WDR17: variants seen among roughly 807,000 people sequenced by gnomAD.
The protein encoded by WDR17 is WD repeat-containing protein 17.
Under a neutral mutation model 161.7 loss-of-function variants are expected in WDR17, and 143 were observed. That is an observed-to-expected ratio of 0.88 (90% CI 0.77 to 1.02). The LOEUF is 1.02. Among genes scored for constraint, WDR17 ranks in the 50% least tolerant of loss-of-function variants. The probability of loss-of-function intolerance (pLI) is 0.00; values close to 1 mark genes in which losing one functional copy is unlikely to be tolerated. For missense variants in WDR17, 1,469 were observed against 1,520.9 expected, an observed-to-expected ratio of 0.97 and a Z score of 0.57; for synonymous variants, 517 against 515.6, an observed-to-expected ratio of 1.00 and a Z score of -0.04.
intron 25 of WDR17, among the ~76,000 whole-genome samples, chr4:176,173,916 A>G (rs996262941): frequency 1.3e-5 from 2 of 150,930 alleles, no homozygotes; most frequent in Admixed American, 1.3e-4. Flanking sequence ...GTATGTTTAT[A>G]TATGTACACA....
At chr4:176,167,666 A>AAAAAAAAAAAAAAAACC (rs1561210753) in intron 22 of WDR17, among the ~76,000 whole-genome samples, 1 of 139,866 alleles carries the variant, frequency 7.1e-6, no homozygotes, top group African/African-American at 2.6e-5. Flanking sequence ...AAAAAAAAAA[A>AAAAAAAAAAAAAAAACC]AAAAAACAAT....
intron 12 of WDR17, 55 bp downstream of exon 12, chr4:176,146,214 T>A (rs892495153): frequency 1.3e-6 from 2 of 1,551,642 alleles, no homozygotes; most frequent in African/African-American, 2.7e-5. Context: ...GCTTATATTT[T>A]CCTAGAAATG....
At chr4:176,115,452 A>T (rs960589765) in intron 2 of WDR17, among the ~76,000 whole-genome samples, 24 of 152,148 alleles carry the variant, frequency 1.6e-4, no homozygotes, top group African/African-American at 5.8e-4. Flanking sequence ...GCAGAAAAAA[A>T]TATTCCAAAA....
At chr4:176,152,272 GC>G (rs1747259901) in intron 17 of WDR17, among the ~76,000 whole-genome samples, 1 of 123,854 alleles carries the variant, frequency 8.1e-6, no homozygotes. Context: ...TCCAGCCTGG[GC>G]TACAGAAAGA....
chr4:176,148,164 G>A lies in WDR17; in HGVS notation c.1726G>A (p.Ala576Thr), dbSNP rs779776615. Reference protein sequence around the residue: ...TVRIWDYTQDACINILNGHTA... With the variant: ...TVRIWDYTQDTCINILNGHTA... The stretch of plus-strand genomic sequence containing the variant: ...TCGAATCTGGGATTATACTCAGGAT[G>A]CTTGCATCAATATTCTTAATGGACA... The change falls in exon 13 of 29, where the codon GCT becomes ACT. Residue 576 changes from alanine (A) to threonine (T), a missense_variant. Transcript: ENST00000508596. 1 of 1,613,920 alleles carries A rather than the reference G, an allele frequency of 6.2e-7. No individual in the cohort carries two copies. The highest frequency in any genetic ancestry group is 2.2e-5 in the East Asian group (1 of 44,830).
intron 1 of WDR17, among the ~76,000 whole-genome samples, chr4:176,085,785 C>T (rs2126609021): frequency 6.6e-6 from 1 of 151,850 alleles, no homozygotes; most frequent in Non-Finnish European, 1.5e-5. Flanking sequence ...TAAACTATTT[C>T]GTTGCTTTCA....
At chr4:176,084,613 G>A (rs1276309528) in intron 1 of WDR17, among the ~76,000 whole-genome samples, 1 of 151,690 alleles carries the variant, frequency 6.6e-6, no homozygotes, top group Non-Finnish European at 1.5e-5. Flanking sequence ...GGCATTTTTT[G>A]TGTCCTATTT....
chr4:176,143,769 C>T (rs991560601), intron 11 of WDR17, among the ~76,000 whole-genome samples: 1 of 151,924 alleles, frequency 6.6e-6, no homozygotes, highest in African/African-American at 2.4e-5. Context: ...TTTTAGAGTC[C>T]TGCAGAAACC....
In WDR17 at chr4:176,148,277, G is replaced by C. The variant is rs777440069; in HGVS notation, c.1839G>C (p.Trp613Cys). Residue 613 changes from tryptophan to cysteine, a missense_variant, in exon 13 of 29, where the codon TGG becomes TGC. By Grantham distance (215) the Trp-to-Cys change is radical. Transcript: ENST00000508596. ...GCTGGGACTATACTATAAAAGTATG[G>C]GACACTCGAGAAGGAACTTGTGTGG... is the stretch of plus-strand genomic sequence containing the variant. ...SGSWDYTIKVWDTREGTCVDT... is the reference protein window; with the variant it reads ...SGSWDYTIKVCDTREGTCVDT... 9.9e-6 allele frequency: 16 copies of C among 1,613,924 alleles called. No homozygotes were observed. The highest frequency in any genetic ancestry group is 1.4e-5 in the Non-Finnish European group (16 of 1,179,928).
intron 1 of WDR17, among the ~76,000 whole-genome samples, chr4:176,103,957 A>G (rs1738254250): frequency 2.6e-5 from 4 of 152,178 alleles, no homozygotes; most frequent in Admixed American, 2.0e-4. Context: ...ATAGACACAC[A>G]TGGAGACACA....
chr4:176,076,642 A>C (rs779545547), intron 1 of WDR17, among the ~76,000 whole-genome samples: 1 of 150,838 alleles, frequency 6.6e-6, no homozygotes, highest in Non-Finnish European at 1.5e-5. Context: ...TTGCAATTTC[A>C]GTTTGGCTCT....
At chr4:176,130,472 CG>C (rs2126753150) in intron 6 of WDR17, among the ~76,000 whole-genome samples, 1 of 152,150 alleles carries the variant, frequency 6.6e-6, no homozygotes, top group South Asian at 2.1e-4. Flanking sequence ...TGGCCGGGCG[CG>C]GTGGCTCATG....
chr4:176,070,680 ATT>A (rs762685959), intron 1 of WDR17, among the ~76,000 whole-genome samples: 7 of 143,760 alleles, frequency 4.9e-5, no homozygotes, highest in Admixed American at 6.9e-5. Flanking sequence ...CTCTTGGCTA[ATT>A]TTTTTTTTTT....
Position 176,180,929 on chromosome 4 carries a change from C to G in WDR17, c.*1350C>G, listed in dbSNP as rs1386118309. The G allele has an allele frequency of 6.6e-6, 1 of 152,086 alleles. No individual in the cohort carries two copies. Among genetic ancestry groups the G allele is most frequent in the Non-Finnish European group, 1.5e-5 (1 of 68,024 alleles). The allele number at this position is 152,086 out of a possible 1,614,324, so 9.4% of individuals were successfully genotyped here. ...TTGAAACTTATTAAATTAATGCATA[C>G]TGGAAGTACTTTGATACTCAAGTTG... On this transcript the variant is annotated 3_prime_UTR_variant, in exon 29 of 29. Transcript: ENST00000508596.
chr4:176,137,713 A>G, intron 9 of WDR17, 102 bp downstream of exon 9: 1 of 622,688 alleles, frequency 1.6e-6, no homozygotes, highest in Non-Finnish European at 2.4e-6. Context: ...CTTAATAATC[A>G]GGTGGTATGT....
intron 1 of WDR17, among the ~76,000 whole-genome samples, chr4:176,085,750 G>C (rs985658464): frequency 2.0e-5 from 3 of 151,944 alleles, no homozygotes; most frequent in Non-Finnish European, 4.4e-5. Context: ...GTTTGGTTTA[G>C]TTGATTTCCT....
chr4:176,161,598 A>T (rs1338194507), intron 20 of WDR17, among the ~76,000 whole-genome samples: 1 of 152,176 alleles, frequency 6.6e-6, no homozygotes, highest in Non-Finnish European at 1.5e-5. Context: ...GACACTCATC[A>T]AGTAGAAGAG....
rs140540125 is a variant in WDR17 at position 176,162,372 on chromosome 4, C to T, written c.2850+198C>T. Among the ~76,000 whole-genome samples the T allele has an allele frequency of 2.8e-4, 43 of 152,214 alleles. 1 individual carries two copies. The highest frequency in any genetic ancestry group is 5.2e-4 in the Admixed American group (8 of 15,280). On this transcript the variant is annotated intron_variant, in intron 21 of 28. Transcript: ENST00000508596. ...GTTTTAAGCACACATAGACTATGAG[C>T]TCTTGTTTTCTTTTATTTCTACCAC...
In WDR17 at chr4:176,181,380, T is replaced by C. The variant is rs1384105862; in HGVS notation, c.*1801T>C. ...TACCCAGGAAGCTAAGGCAGGAGAATCGCTTGAATCCAGGAGGCGGAGGTT... is the reference window on the plus strand; with the variant it reads ...TACCCAGGAAGCTAAGGCAGGAGAACCGCTTGAATCCAGGAGGCGGAGGTT... On this transcript the variant is annotated 3_prime_UTR_variant, in exon 29 of 29. Transcript: ENST00000508596. 3 of 172,672 alleles carry C rather than the reference T, an allele frequency of 1.7e-5. No individual in the cohort carries two copies. Among genetic ancestry groups the C allele is most frequent in the African/African-American group, 7.2e-5 (3 of 41,722 alleles). The allele number at this position is 172,672 out of a possible 1,614,324, so 10.7% of individuals were successfully genotyped here.
Sources: allele counts gnomAD v4.1 joint callset (sites outside exome capture counted in the v4.1 genomes callset), GRCh38; gene constraint gnomAD v4.1.1; transcripts MANE v1.5; gene names NCBI Gene and HGNC (gene_info 2026-07-23, HGNC 2026-07-21).